Variants in CNOT10 observed in about 807,000 individuals in gnomAD.
CNOT10 encodes the protein CCR4-NOT transcription complex subunit 10.
CNOT10 carries 30 observed loss-of-function variants against 94.6 expected under a neutral mutation model. The observed-to-expected ratio is 0.32, with a 90% confidence interval of 0.24 to 0.43. The LOEUF is 0.43. Ranked by LOEUF, CNOT10 falls within the 20% of genes least tolerant of loss-of-function variation. CNOT10 has a pLI of 1.00. For synonymous variants in CNOT10, 289 were observed against 301.6 expected, an observed-to-expected ratio of 0.96 and a Z score of 0.43; for missense variants, 759 against 877.2, an observed-to-expected ratio of 0.87 and a Z score of 1.70.
chr3:32,764,228 T>G (rs1485113556), intron 15 of CNOT10: 1 of 487,760 alleles, frequency 2.1e-6, no homozygotes, highest in Admixed American at 3.9e-5. Context: ...TCCCAGCTAC[T>G]CAGGAGGCTG....
At chr3:32,739,118 C>G (rs556125949) in intron 13 of CNOT10, among the ~76,000 whole-genome samples, 1 of 152,022 alleles carries the variant, frequency 6.6e-6, no homozygotes, top group Non-Finnish European at 1.5e-5. Context: ...GTTAGCCAGG[C>G]TGGTCTCGAA....
intron 1 of CNOT10, among the ~76,000 whole-genome samples, chr3:32,688,734 A>G (rs1696727328): frequency 6.6e-6 from 1 of 152,038 alleles, no homozygotes; most frequent in African/African-American, 2.4e-5. Context: ...CAGCCTGGGC[A>G]GCATAAGTGA....
At chr3:32,717,807 A>C (rs1428041394) in intron 7 of CNOT10, among the ~76,000 whole-genome samples, 1 of 152,198 alleles carries the variant, frequency 6.6e-6, no homozygotes, top group East Asian at 1.9e-4. Flanking sequence ...CAGAAGTTGC[A>C]GTGAGCTGAG....
At chr3:32,757,152 C>G (rs1321751210) in intron 13 of CNOT10, among the ~76,000 whole-genome samples, 1 of 143,220 alleles carries the variant, frequency 7.0e-6, no homozygotes, top group Non-Finnish European at 1.5e-5. Context: ...AACTGTCATT[C>G]ACATAGGCCC....
At chr3:32,686,503 A>G (rs995305678) in intron 1 of CNOT10, among the ~76,000 whole-genome samples, 1 of 152,222 alleles carries the variant, frequency 6.6e-6, no homozygotes. Context: ...ATCTAAGAAG[A>G]AAAACAACAG....
rs757387739 is a variant in CNOT10 at position 32,703,982 on chromosome 3, A to G, written c.117+20A>G. ...TTCACAGTAAGAAATGGCTTCTCTT[A>G]GTCTGCTCAAGTTGTAGGGTTCTGT... On this transcript the variant is annotated intron_variant, in intron 2 of 18. Coordinates refer to ENST00000328834, the MANE Select transcript of CNOT10 (RefSeq NM_015442.3). 2.0e-6 allele frequency: 3 copies of G among 1,471,434 alleles called. No individual in the cohort carries two copies. Among genetic ancestry groups the G allele is most frequent in the Non-Finnish European group, 2.9e-6 (3 of 1,051,832 alleles). The allele number at this position is 1,471,434 out of a possible 1,614,324, so 91.1% of individuals were successfully genotyped here. A position where few individuals can be genotyped will look rare whatever the true frequency, so the allele number is the denominator to read the frequency against.
rs182116322 is a variant in CNOT10 at position 32,707,570 on chromosome 3, G to A, written c.280-1100G>A. ...TGTAATCCAAGCACTTTGGGAGGCCGAGGTGGGCAGATCGCCTGAGGTCAG... is the reference window on the plus strand; with the variant it reads ...TGTAATCCAAGCACTTTGGGAGGCCAAGGTGGGCAGATCGCCTGAGGTCAG... On this transcript the variant is annotated intron_variant, in intron 3 of 18. Transcript: ENST00000328834. 1.8e-3 allele frequency among the ~76,000 whole-genome samples: 273 copies of A among 152,260 alleles called. 1 individual carries two copies. The highest frequency in any genetic ancestry group is 5.7e-3 in the African/African-American group (235 of 41,560).
intron 12 of CNOT10, among the ~76,000 whole-genome samples, chr3:32,736,054 T>C (rs1185597668): frequency 6.6e-6 from 1 of 151,924 alleles, no homozygotes; most frequent in Non-Finnish European, 1.5e-5. Flanking sequence ...TCTTTCTTTC[T>C]TTTCTTTTGT....
At chr3:32,690,353 A>G (rs1234464790) in intron 1 of CNOT10, among the ~76,000 whole-genome samples, 1 of 152,096 alleles carries the variant, frequency 6.6e-6, no homozygotes. Context: ...AGGTTAAATG[A>G]TATAATCTCA....
At chr3:32,771,252 T>C (rs1258337528) in intron 18 of CNOT10, among the ~76,000 whole-genome samples, 2 of 151,762 alleles carry the variant, frequency 1.3e-5, no homozygotes, top group Admixed American at 1.3e-4. Flanking sequence ...ACTTGAGCCC[T>C]GGAGGTTGAG....
intron 1 of CNOT10, among the ~76,000 whole-genome samples, chr3:32,696,995 G>A (rs1302488207): frequency 6.7e-6 from 1 of 148,818 alleles, no homozygotes; most frequent in Non-Finnish European, 1.5e-5. Flanking sequence ...CTGTCACCCA[G>A]ACTGGAGTGC....
At chr3:32,756,877 G>A (rs1700244271) in intron 13 of CNOT10, among the ~76,000 whole-genome samples, 1 of 151,912 alleles carries the variant, frequency 6.6e-6, no homozygotes, top group Non-Finnish European at 1.5e-5. Context: ...GGGAGGCCGA[G>A]GCGGGCAGAT....
chr3:32,718,516 G>A (rs555079369), intron 7 of CNOT10, among the ~76,000 whole-genome samples: 26 of 145,596 alleles, frequency 1.8e-4, no homozygotes, highest in South Asian at 1.7e-3. Context: ...CCCGGGAGGC[G>A]GATCTTGCTG....
intron 13 of CNOT10, among the ~76,000 whole-genome samples, chr3:32,746,213 A>C (rs1699694021): frequency 6.6e-6 from 1 of 152,210 alleles, no homozygotes; most frequent in South Asian, 2.1e-4. Context: ...GCATCAATTT[A>C]AGCAGCAGAC....
At chr3:32,710,242 C>T (rs1273860100) in intron 4 of CNOT10, among the ~76,000 whole-genome samples, 1 of 148,002 alleles carries the variant, frequency 6.8e-6, no homozygotes, top group South Asian at 2.1e-4. Flanking sequence ...TAGTAATCAA[C>T]TAGTCAGTAT....
At chr3:32,699,981 T>C (rs1697260618) in intron 1 of CNOT10, among the ~76,000 whole-genome samples, 1 of 150,648 alleles carries the variant, frequency 6.6e-6, no homozygotes, top group Non-Finnish European at 1.5e-5. Flanking sequence ...GTTTCTTTTT[T>C]TTTTTTTTTT....
chr3:32,743,148 G>C (rs911243539), intron 13 of CNOT10, among the ~76,000 whole-genome samples: 5 of 151,756 alleles, frequency 3.3e-5, no homozygotes, highest in Non-Finnish European at 7.4e-5. Flanking sequence ...ACCATGCCCA[G>C]CTAATTTTTT....
chr3:32,760,738 C>T (rs1200149571), intron 14 of CNOT10, among the ~76,000 whole-genome samples: 1 of 152,162 alleles, frequency 6.6e-6, no homozygotes, highest in East Asian at 1.9e-4. Context: ...TTCTTTCATT[C>T]ATCGTATAGG....
intron 1 of CNOT10, among the ~76,000 whole-genome samples, chr3:32,690,170 A>G (rs1696790258): frequency 6.6e-6 from 1 of 152,218 alleles, no homozygotes; most frequent in South Asian, 2.1e-4. Context: ...TGATCCAGGT[A>G]AGGAATGATA....
Sources: gnomAD v4.1 joint callset for allele counts (sites outside exome capture counted in the v4.1 genomes callset) on GRCh38, gnomAD v4.1.1 for gene constraint, MANE v1.5 for transcripts, NCBI Gene and HGNC (gene_info 2026-07-23, HGNC 2026-07-21) for gene names.